Variants in SIDT1 observed in about 807,000 individuals in gnomAD.
SIDT1 encodes SID1 transmembrane family member 1.
Under a neutral mutation model 107.5 loss-of-function variants are expected in SIDT1, and 101 were observed. The observed-to-expected ratio is 0.94, with a 90% CI of 0.80 to 1.11. The LOEUF is 1.11. Ranked by LOEUF, SIDT1 falls within the 50% of genes least tolerant of loss-of-function variation. The pLI is 0.00. For missense variants in SIDT1, 1,076 were observed against 1,058.2 expected, an observed-to-expected ratio of 1.02 and a Z score of -0.23; for synonymous variants, 395 against 398.2, an observed-to-expected ratio of 0.99 and a Z score of 0.10.
chr3:113,575,984 T>TTG (rs988410787), intron 3 of SIDT1, among the ~76,000 whole-genome samples: 12 of 152,322 alleles, frequency 7.9e-5, no homozygotes, highest in Non-Finnish European at 1.5e-4. Context: ...TGCTGTGGAC[T>TTG]TGTGTGCATG....
chr3:113,632,278 C>CT (rs754570145), downstream of SIDT1, among the ~76,000 whole-genome samples: 1 of 152,138 alleles, frequency 6.6e-6, no homozygotes, highest in Non-Finnish European at 1.5e-5. Flanking sequence ...TAAATCTTGA[C>CT]TTTTTTGTGT....
rs199757460 is a variant in SIDT1 at position 113,585,251 on chromosome 3, G to A, written c.982G>A (p.Gly328Arg). 15 of 1,612,678 alleles carry A rather than the reference G, an allele frequency of 9.3e-6. No individual in the cohort carries two copies. The African/African-American group carries it at 2.0e-4, about 22-fold the overall frequency. Residue 328 changes from glycine to arginine, a missense_variant, in exon 9 of 25, where the codon GGG becomes AGG. By Grantham distance (125) the Gly-to-Arg change is moderately radical. Transcript: ENST00000264852. ...CTTCTACTTGGGATGCCTTCTTGTT[G>A]GGTTTGTTCATTATCTGAGGTAGGT... ...LSFYLGCLLV[G>R]FVHYLRFQRK... is the part of the protein sequence containing the mutation.
intron 1 of SIDT1, among the ~76,000 whole-genome samples, chr3:113,540,553 C>T (rs1230690642): frequency 6.6e-6 from 1 of 152,098 alleles, no homozygotes; most frequent in Non-Finnish European, 1.5e-5. Flanking sequence ...ATTGCATAGA[C>T]CCTGTTAGTG....
intron 21 of SIDT1, among the ~76,000 whole-genome samples, chr3:113,621,371 G>A (rs1177661572): frequency 3.9e-5 from 6 of 151,956 alleles, no homozygotes; most frequent in South Asian, 2.1e-4. Flanking sequence ...TTGGGAGGCC[G>A]AGGCAGGAGG....
intron 1 of SIDT1, among the ~76,000 whole-genome samples, chr3:113,563,919 T>C (rs1403663006): frequency 6.6e-6 from 1 of 152,060 alleles, no homozygotes; most frequent in Non-Finnish European, 1.5e-5. Context: ...AATGATACGA[T>C]CTTTGGTGTG....
intron 3 of SIDT1, among the ~76,000 whole-genome samples, chr3:113,572,507 G>C (rs1198105492): frequency 6.6e-6 from 1 of 152,192 alleles, no homozygotes; most frequent in African/African-American, 2.4e-5. Flanking sequence ...AAAGGATTGT[G>C]AGCAACAGGA....
intron 1 of SIDT1, among the ~76,000 whole-genome samples, chr3:113,561,652 G>T (rs1941437057): frequency 6.6e-6 from 1 of 152,194 alleles, no homozygotes; most frequent in South Asian, 2.1e-4. Context: ...CCTTCCCAAA[G>T]TCTAGTCCCC....
At chr3:113,615,053 A>C (rs1465777733) in intron 19 of SIDT1, 1 of 1,535,272 alleles carries the variant, frequency 6.5e-7, no homozygotes, top group Non-Finnish European at 8.7e-7. Flanking sequence ...TCTGCTTCCT[A>C]CTGATTCAGA....
intron 19 of SIDT1, among the ~76,000 whole-genome samples, chr3:113,613,276 C>T (rs537975856): frequency 3.9e-5 from 6 of 152,340 alleles, no homozygotes; most frequent in African/African-American, 1.4e-4. Context: ...GGGAAGGGGG[C>T]TATGCAGGCC....
At chr3:113,635,591 G>A in the SIDT1 span, among the ~76,000 whole-genome samples, 1 of 152,172 alleles carries the variant, frequency 6.6e-6, no homozygotes, top group Non-Finnish European at 1.5e-5. Flanking sequence ...TTTAGGCTGG[G>A]CACAGTGGCT....
downstream of SIDT1, among the ~76,000 whole-genome samples, chr3:113,629,749 G>A (rs1037487647): frequency 2.0e-5 from 3 of 152,204 alleles, no homozygotes; most frequent in Non-Finnish European, 4.4e-5. Context: ...GATGTGAGCG[G>A]AAATGGGGAA....
At chr3:113,600,075 C>T (rs1438941323) in intron 10 of SIDT1, among the ~76,000 whole-genome samples, 4 of 151,996 alleles carry the variant, frequency 2.6e-5, no homozygotes, top group South Asian at 2.1e-4. Flanking sequence ...TTTGAGAGGC[C>T]AAGGCAAGCT....
intron 11 of SIDT1, 171 bp from the exon 12 acceptor site, chr3:113,602,834 A>G (rs1439657506): frequency 1.1e-5 from 6 of 556,148 alleles, no homozygotes; most frequent in Non-Finnish European, 1.5e-5. Flanking sequence ...AGGAAAAATA[A>G]AAGTCCATTG....
chr3:113,613,956 A>G (rs1945928179), intron 19 of SIDT1, among the ~76,000 whole-genome samples: 1 of 152,244 alleles, frequency 6.6e-6, no homozygotes, highest in South Asian at 2.1e-4. Flanking sequence ...AGGATTTATT[A>G]ACAGAAGTAC....
At chr3:113,600,982 G>T (rs1176652352) in intron 10 of SIDT1, among the ~76,000 whole-genome samples, 1 of 152,190 alleles carries the variant, frequency 6.6e-6, no homozygotes, top group African/African-American at 2.4e-5. Flanking sequence ...AACAGCTTAG[G>T]CTGCCAAAAA....
At chr3:113,624,552 T>C (rs2107843925) in intron 23 of SIDT1, among the ~76,000 whole-genome samples, 1 of 152,382 alleles carries the variant, frequency 6.6e-6, no homozygotes, top group East Asian at 1.9e-4. Context: ...TGAGTGATGC[T>C]GCTGTGAATA....
intron 9 of SIDT1, among the ~76,000 whole-genome samples, chr3:113,590,728 A>G (rs1944085970): frequency 6.6e-6 from 1 of 152,260 alleles, no homozygotes; most frequent in Non-Finnish European, 1.5e-5. Context: ...ACAAAAAATA[A>G]TAAAATATTT....
chr3:113,579,706 G>GAC (rs999666108), intron 4 of SIDT1, among the ~76,000 whole-genome samples: 12 of 152,132 alleles, frequency 7.9e-5, no homozygotes, highest in African/African-American at 2.4e-4. Flanking sequence ...GTTTTAACTT[G>GAC]TTTTGCCTCT....
chr3:113,605,771 A>G (rs1445367697), intron 14 of SIDT1, among the ~76,000 whole-genome samples: 1 of 152,138 alleles, frequency 6.6e-6, no homozygotes, highest in African/African-American at 2.4e-5. Flanking sequence ...TGGGAGGCCT[A>G]GGCAGGTGGA....
Sources: allele counts gnomAD v4.1 joint callset (sites outside exome capture counted in the v4.1 genomes callset), GRCh38; gene constraint gnomAD v4.1.1; transcripts MANE v1.5; gene names NCBI Gene and HGNC (gene_info 2026-07-23, HGNC 2026-07-21).